Variants in GALNT18 observed in about 807,000 individuals in gnomAD.
GALNT18 encodes GalNAc-transferase 18.
In GALNT18, 44 loss-of-function variants were observed where a neutral mutation model predicts 69.5. The ratio of observed to expected loss-of-function variants is 0.63; its 90% CI spans 0.50 to 0.81. The LOEUF is 0.81. Ranked by LOEUF, GALNT18 falls within the 40% of genes least tolerant of loss-of-function variation. GALNT18 has a pLI of 0.00. For synonymous variants in GALNT18, 364 were observed against 318.2 expected, an observed-to-expected ratio of 1.14 and a Z score of -1.53; for missense variants, 715 against 810.0, an observed-to-expected ratio of 0.88 and a Z score of 1.42.
At chr11:11,392,767 C>A (rs1215748763) in intron 3 of GALNT18, among the ~76,000 whole-genome samples, 2 of 152,204 alleles carry the variant, frequency 1.3e-5, no homozygotes, top group East Asian at 3.8e-4. Flanking sequence ...TGGGACTCTG[C>A]AAGTTCAACA....
chr11:11,419,979 G>A (rs1395259406), intron 3 of GALNT18, among the ~76,000 whole-genome samples: 1 of 152,102 alleles, frequency 6.6e-6, no homozygotes, highest in Non-Finnish European at 1.5e-5. Flanking sequence ...TACTCAATTT[G>A]TTAAATGAAT....
chr11:11,572,809 A>G lies in GALNT18; in HGVS notation c.235+48550T>C, dbSNP rs1858824893. On this transcript the variant is annotated intron_variant, in intron 1 of 10. Transcript: ENST00000227756. Reference sequence around the variant, plus strand: ...GCTCACAGGAAAGAAGAAAAACACAATGGCAGTAACAACTCCAACTGGGGC... The same window carrying G: ...GCTCACAGGAAAGAAGAAAAACACAGTGGCAGTAACAACTCCAACTGGGGC... Among the ~76,000 whole-genome samples, 3 of 152,142 alleles carry G rather than the reference A, an allele frequency of 2.0e-5. No homozygotes were observed. The South Asian group carries it at 6.2e-4, about 32-fold the overall frequency.
chr11:11,370,656 C>G (rs1031385195), intron 6 of GALNT18, among the ~76,000 whole-genome samples: 2 of 151,668 alleles, frequency 1.3e-5, no homozygotes, highest in East Asian at 1.9e-4. Context: ...CACCCAGAGA[C>G]ATTTTAACTT....
At chr11:11,287,151 G>A (rs1262516262) in intron 10 of GALNT18, among the ~76,000 whole-genome samples, 1 of 152,170 alleles carries the variant, frequency 6.6e-6, no homozygotes, top group East Asian at 1.9e-4. Context: ...CCTTGCACAA[G>A]GCAGCCCTTC....
chr11:11,329,346 C>A (rs917185772), intron 8 of GALNT18, among the ~76,000 whole-genome samples: 2 of 152,142 alleles, frequency 1.3e-5, no homozygotes, highest in African/African-American at 4.8e-5. Context: ...ATATGTCTCA[C>A]CTAATTCTCA....
chr11:11,349,080 G>A (rs1431274471), intron 6 of GALNT18, among the ~76,000 whole-genome samples: 1 of 152,158 alleles, frequency 6.6e-6, no homozygotes, highest in Non-Finnish European at 1.5e-5. Flanking sequence ...AGTTTTGCCT[G>A]TTTGTGAACG....
chr11:11,341,040 C>T lies in GALNT18; in HGVS notation c.1093-36G>A. On this transcript the variant is annotated intron_variant, in intron 6 of 10. Transcript: ENST00000227756. This position sits in a 1 kb window ranked among gnomAD's most constrained non-coding sequence, Gnocchi z 6.3. ...CATGGAGCCACTTGTCAGAGCCTGCCTGGCTCTGCCTTTCTACACCAGGCC... is the reference window on the plus strand; with the variant it reads ...CATGGAGCCACTTGTCAGAGCCTGCTTGGCTCTGCCTTTCTACACCAGGCC... 6.4e-7 allele frequency: 1 copy of T among 1,550,904 alleles called. No individual in the cohort carries two copies. The highest frequency in any genetic ancestry group is 1.4e-5 in the African/African-American group (1 of 72,912).
In GALNT18 at chr11:11,435,649, T is replaced by C. The variant is rs948613092; in HGVS notation, c.429-2862A>G. ...CCACAGTCTGGCACTTAGTAGGCAC[T>C]CCATGAATGTTTTTGGAATGAAACG... On this transcript the variant is annotated intron_variant, in intron 2 of 10. Coordinates refer to ENST00000227756, the MANE Select transcript of GALNT18 (RefSeq NM_198516.3). This position sits in a 1 kb window ranked among gnomAD's most constrained non-coding sequence, Gnocchi z 4.4. 6.6e-6 allele frequency among the ~76,000 whole-genome samples: 1 copy of C among 152,186 alleles called. No individual in the cohort carries two copies. The highest frequency in any genetic ancestry group is 2.4e-5 in the African/African-American group (1 of 41,426).
Position 11,542,194 on chromosome 11 carries a change from G to T in GALNT18, c.235+79165C>A, listed in dbSNP as rs1217804698. Among the ~76,000 whole-genome samples the T allele has an allele frequency of 1.3e-5, 2 of 152,122 alleles. No individual in the cohort carries two copies. The highest frequency in any genetic ancestry group is 1.5e-5 in the Non-Finnish European group (1 of 68,032). On this transcript the variant is annotated intron_variant, in intron 1 of 10. Coordinates refer to ENST00000227756, the MANE Select transcript of GALNT18 (RefSeq NM_198516.3). The surrounding 1 kb of genome is among the most constrained non-coding windows in gnomAD (Gnocchi z 4.3). Reference sequence around the variant, plus strand: ...TTAAAGACTTTGCCCAAAGGCTGTGGCTGCGTCTTAGAAAGCAAAGCAAAA... The same window carrying T: ...TTAAAGACTTTGCCCAAAGGCTGTGTCTGCGTCTTAGAAAGCAAAGCAAAA...
At chr11:11,311,396 T>C (rs1216501986) in intron 9 of GALNT18, among the ~76,000 whole-genome samples, 3 of 152,212 alleles carry the variant, frequency 2.0e-5, no homozygotes, top group African/African-American at 7.2e-5. Flanking sequence ...TTGCTGTTCA[T>C]ATCCTGGACT....
At position 11,315,066 on chromosome 11, in the gene GALNT18, GTGTGTA is replaced by G. The variant is rs1257665452; in HGVS notation, c.1512+12014_1512+12019del. On this transcript the variant is annotated intron_variant, in intron 9 of 10. Transcript: ENST00000227756. The surrounding 1 kb of genome is among the most constrained non-coding windows in gnomAD (Gnocchi z 5.6). ...TGTGTGTGTGTGTGTGTGTGTGTAT[GTGTGTA>G]TATATGTGTACATACAGAAGTAAAT... is the stretch of plus-strand genomic sequence containing the variant. Among the ~76,000 whole-genome samples the G allele has an allele frequency of 5.4e-3, 803 of 148,614 alleles. 4 individuals carry two copies. The highest frequency in any genetic ancestry group is 0.019 in the South Asian group (90 of 4,676).
intron 10 of GALNT18, among the ~76,000 whole-genome samples, chr11:11,273,862 A>C (rs1848878840): frequency 6.6e-6 from 1 of 152,072 alleles, no homozygotes; most frequent in Non-Finnish European, 1.5e-5. Flanking sequence ...ATATTTAACC[A>C]TTAAAATAAT....
Position 11,465,001 on chromosome 11 carries a change from G to T in GALNT18, c.236-16065C>A, listed in dbSNP as rs1315046371. ...AGCTGGGGATGGAATTACGAGCAGTGGGGAGTTGTTGGGGTGGCTGCTTAT... is the reference window on the plus strand; with the variant it reads ...AGCTGGGGATGGAATTACGAGCAGTTGGGAGTTGTTGGGGTGGCTGCTTAT... On this transcript the variant is annotated intron_variant, in intron 1 of 10. Coordinates refer to ENST00000227756, the MANE Select transcript of GALNT18 (RefSeq NM_198516.3). The surrounding 1 kb of genome is among the most constrained non-coding windows in gnomAD (Gnocchi z 5.7). 6.6e-6 allele frequency among the ~76,000 whole-genome samples: 1 copy of T among 152,144 alleles called. No homozygotes were observed. Among genetic ancestry groups the T allele is most frequent in the Admixed American group, 6.5e-5 (1 of 15,282 alleles).
chr11:11,519,686 C>T (rs1417053320), intron 1 of GALNT18, among the ~76,000 whole-genome samples: 2 of 152,198 alleles, frequency 1.3e-5, no homozygotes, highest in African/African-American at 4.8e-5. Flanking sequence ...CTGCTGCCAC[C>T]ACCTTCCAGG....
At chr11:11,502,941 C>T (rs1857002709) in intron 1 of GALNT18, among the ~76,000 whole-genome samples, 1 of 152,178 alleles carries the variant, frequency 6.6e-6, no homozygotes, top group African/African-American at 2.4e-5. Context: ...GGATATTGGT[C>T]TGCCCCATAC....
chr11:11,585,499 G>C (rs1405568222), intron 1 of GALNT18, among the ~76,000 whole-genome samples: 1 of 152,010 alleles, frequency 6.6e-6, no homozygotes, highest in East Asian at 1.9e-4. Context: ...GGGATTACAG[G>C]CATGCGCCAC....
rs1858529936 is a variant in GALNT18 at position 11,562,313 on chromosome 11, G to GT, written c.235+59045dup. On this transcript the variant is annotated intron_variant, in intron 1 of 10. Coordinates refer to ENST00000227756, the MANE Select transcript of GALNT18 (RefSeq NM_198516.3). This position sits in a 1 kb window ranked among gnomAD's most constrained non-coding sequence, Gnocchi z 4.1. ...CTTCATATGCCCCTAGTGTGTGTCT[G>GT]TCTGCGTGTCCATGTTTCCCCTTTA... 6.6e-6 allele frequency among the ~76,000 whole-genome samples: 1 copy of GT among 152,136 alleles called. No individual in the cohort carries two copies. The highest frequency in any genetic ancestry group is 6.5e-5 in the Admixed American group (1 of 15,274).
intron 6 of GALNT18, among the ~76,000 whole-genome samples, chr11:11,344,126 C>A (rs1850258436): frequency 6.6e-6 from 1 of 152,188 alleles, no homozygotes; most frequent in African/African-American, 2.4e-5. Context: ...TGCACCATGC[C>A]CCTGGCACAG....
At chr11:11,567,789 A>T (rs1200027690) in intron 1 of GALNT18, among the ~76,000 whole-genome samples, 1 of 152,100 alleles carries the variant, frequency 6.6e-6, no homozygotes, top group Non-Finnish European at 1.5e-5. Flanking sequence ...CAGAATTCTT[A>T]AAAAGTCTTT....
Sources: gnomAD v4.1 joint callset for allele counts (sites outside exome capture counted in the v4.1 genomes callset) on GRCh38, gnomAD v4.1.1 for gene constraint, Gnocchi (gnomAD v3.1) non-coding constraint, MANE v1.5 for transcripts, NCBI Gene and HGNC (gene_info 2026-07-23, HGNC 2026-07-21) for gene names.